The following PARD3 variants were observed in gnomAD, a reference collection of about 807,000 sequenced individuals.
PARD3 encodes partitioning defective 3 homolog.
In PARD3, 75 loss-of-function variants were observed where a neutral mutation model predicts 155.4. That is an observed-to-expected ratio of 0.48 (90% CI 0.40 to 0.58). The LOEUF is 0.58. PARD3 is among the 20% of genes least tolerant of loss of function. The pLI, the probability that PARD3 is intolerant of heterozygous loss-of-function variation, is 0.00. For missense variants in PARD3, 1,642 were observed against 1,721.7 expected (o/e 0.95, Z 0.82); for synonymous variants, 576 against 610.5 (o/e 0.94, Z 0.83).
intron 4 of PARD3, among the ~76,000 whole-genome samples, chr10:34,462,888 A>G (rs1204839194): frequency 3.0e-5 from 4 of 134,166 alleles, no homozygotes; most frequent in Non-Finnish European, 4.8e-5. Flanking sequence ...AGGGGAAGGG[A>G]AAGGGAGGAG....
intron 20 of PARD3, among the ~76,000 whole-genome samples, chr10:34,303,007 T>C (rs1301982274): frequency 6.6e-6 from 1 of 151,798 alleles, no homozygotes; most frequent in African/African-American, 2.4e-5. Flanking sequence ...GTTGAATGTA[T>C]GAAACAAATG....
At chr10:34,567,067 T>C (rs1801952728) in intron 2 of PARD3, among the ~76,000 whole-genome samples, 1 of 152,158 alleles carries the variant, frequency 6.6e-6, no homozygotes. Flanking sequence ...GACTGCCACA[T>C]AGGAAACAAA....
At chr10:34,307,062 T>G (rs78321271) in intron 20 of PARD3, among the ~76,000 whole-genome samples, 1 of 151,968 alleles carries the variant, frequency 6.6e-6, no homozygotes, top group Non-Finnish European at 1.5e-5. Context: ...AATTTTTTTT[T>G]TGTATCTTTA....
intron 22 of PARD3, among the ~76,000 whole-genome samples, chr10:34,141,332 C>T (rs565609925): frequency 6.6e-6 from 1 of 152,322 alleles, no homozygotes; most frequent in East Asian, 1.9e-4. Context: ...TCACTTTGCT[C>T]AGCTGATAAA....
At chr10:34,335,173 G>A (rs985233916) in intron 18 of PARD3, among the ~76,000 whole-genome samples, 2 of 151,882 alleles carry the variant, frequency 1.3e-5, no homozygotes, top group Non-Finnish European at 2.9e-5. Context: ...TAAGGGATAA[G>A]GCTACGGTTA....
At chr10:34,271,036 T>C (rs1315802596) in intron 21 of PARD3, among the ~76,000 whole-genome samples, 1 of 152,204 alleles carries the variant, frequency 6.6e-6, no homozygotes, top group Admixed American at 6.5e-5. Flanking sequence ...ATCTCCTTTA[T>C]ATACTTACAA....
At position 34,375,440 on chromosome 10, in the gene PARD3, T is replaced by G. The variant is rs1235725021; in HGVS notation, c.1540-438A>C. On this transcript the variant is annotated intron_variant, in intron 10 of 24. Coordinates refer to ENST00000374788, the MANE Select transcript of PARD3 (RefSeq NM_001184785.2). Reference sequence around the variant, plus strand: ...GTAATAAAAACACACCAAAAATATTTTGGTACAGTATTTTCACTTTAAATG... The same window carrying G: ...GTAATAAAAACACACCAAAAATATTGTGGTACAGTATTTTCACTTTAAATG... 2.0e-5 allele frequency among the ~76,000 whole-genome samples: 3 copies of G among 152,182 alleles called. No homozygotes were observed. The East Asian group carries it at 5.8e-4, about 29-fold the overall frequency.
chr10:34,290,813 C>T (rs956802580), intron 20 of PARD3, among the ~76,000 whole-genome samples: 1 of 152,156 alleles, frequency 6.6e-6, no homozygotes, highest in African/African-American at 2.4e-5. Flanking sequence ...TCCTAAAGAT[C>T]CTTGAGAGAT....
chr10:34,600,583 G>A (rs1026718054), intron 2 of PARD3, among the ~76,000 whole-genome samples: 1 of 152,106 alleles, frequency 6.6e-6, no homozygotes, highest in African/African-American at 2.4e-5. Context: ...GGAAAGGGAG[G>A]TAAGGGGACT....
intron 1 of PARD3, among the ~76,000 whole-genome samples, chr10:34,731,611 A>T (rs1352032566): frequency 6.6e-6 from 1 of 152,184 alleles, no homozygotes; most frequent in Non-Finnish European, 1.5e-5. Flanking sequence ...GATTGCAAAG[A>T]CTCTAGAGGT....
At chr10:34,343,143 C>T (rs565837071) in intron 15 of PARD3, 2 of 194,892 alleles carry the variant, frequency 1.0e-5, no homozygotes, top group Admixed American at 6.5e-5. Flanking sequence ...TCAAGACATA[C>T]TTTTTTCCTT....
chr10:34,569,427 A>AT (rs1306811694), intron 2 of PARD3, among the ~76,000 whole-genome samples: 3 of 151,980 alleles, frequency 2.0e-5, no homozygotes, highest in African/African-American at 7.3e-5. Context: ...ATATATATAT[A>AT]TTTTTTTGGA....
chr10:34,370,488 C>G (rs1840474085), intron 12 of PARD3, among the ~76,000 whole-genome samples: 2 of 152,040 alleles, frequency 1.3e-5, no homozygotes, highest in Non-Finnish European at 2.9e-5. Context: ...CTGTGTTGCC[C>G]AGACTGGTCT....
At chr10:34,734,988 A>G (rs72783654) in intron 1 of PARD3, among the ~76,000 whole-genome samples, 4,076 of 47,576 alleles carry the variant, frequency 0.086, 135 homozygotes, top group African/African-American at 0.17. Flanking sequence ...GGCTTATGGG[A>G]AAAAAAAAAA....
intron 7 of PARD3, among the ~76,000 whole-genome samples, chr10:34,387,298 T>C (rs1001968963): frequency 6.6e-6 from 1 of 152,222 alleles, no homozygotes; most frequent in East Asian, 1.9e-4. Context: ...CGGTCTTCAA[T>C]GGAAATTACT....
intron 22 of PARD3, among the ~76,000 whole-genome samples, chr10:34,263,816 C>G (rs1955153591): frequency 6.6e-6 from 1 of 152,186 alleles, no homozygotes; most frequent in Non-Finnish European, 1.5e-5. Context: ...AGACTAGCTG[C>G]TGGCAGACAT....
chr10:34,453,575 G>A (rs915007875), intron 4 of PARD3, among the ~76,000 whole-genome samples: 21 of 152,090 alleles, frequency 1.4e-4, no homozygotes, highest in African/African-American at 5.1e-4. Flanking sequence ...AAATTGTTTA[G>A]GGAATGCTTC....
At chr10:34,231,949 T>C (rs756086324) in intron 22 of PARD3, among the ~76,000 whole-genome samples, 14 of 152,232 alleles carry the variant, frequency 9.2e-5, no homozygotes, top group Non-Finnish European at 1.5e-4. Flanking sequence ...TCTTATCTCC[T>C]TAATTATAGC....
chr10:34,278,975 G>T (rs1012991326), intron 21 of PARD3, among the ~76,000 whole-genome samples: 3 of 152,022 alleles, frequency 2.0e-5, no homozygotes, highest in Non-Finnish European at 4.4e-5. Flanking sequence ...TACAATTATT[G>T]CCAATGCAGA....
Sources: allele counts gnomAD v4.1 joint callset (sites outside exome capture counted in the v4.1 genomes callset), GRCh38; gene constraint gnomAD v4.1.1; transcripts MANE v1.5; gene names NCBI Gene and HGNC (gene_info 2026-07-23, HGNC 2026-07-21).